Variants in FAAH2 observed in about 807,000 individuals in gnomAD.
FAAH2 encodes the protein fatty acid amide hydrolase 2, also known as fatty-acid amide hydrolase 2.
A neutral mutation model predicts 36.9 loss-of-function variants in FAAH2; 60 were observed. The ratio of observed to expected loss-of-function variants is 1.63; its 90% confidence interval spans 1.32 to 2.02. The LOEUF (loss-of-function observed/expected upper bound fraction) is 2.02. Among genes scored for constraint, FAAH2 ranks in the 30% most tolerant of loss-of-function variants. The pLI, the probability that FAAH2 is intolerant of heterozygous loss-of-function variation, is 0.00. For missense variants in FAAH2, 689 were observed against 397.5 expected (o/e 1.73, Z -6.23); for synonymous variants, 214 against 143.8 (o/e 1.49, Z -3.49).
At chrX:57,289,735 C>T (rs933817464) in intron 1 of FAAH2, among the ~76,000 whole-genome samples, 9 of 110,567 alleles carry the variant, frequency 8.1e-5, no homozygotes, top group Non-Finnish European at 1.5e-4. Context: ...GGAACAGATA[C>T]GTAAATAGTT....
At chrX:57,240,312 A>G in the FAAH2 span, among the ~76,000 whole-genome samples, 2 of 111,457 alleles carry the variant, frequency 1.8e-5, no homozygotes, top group Non-Finnish European at 3.8e-5. Context: ...GCTCTGCACT[A>G]CTGGGCTGTG....
At chrX:57,178,984 G>GA in the FAAH2 span, among the ~76,000 whole-genome samples, 2 of 111,483 alleles carry the variant, frequency 1.8e-5, no homozygotes, top group Admixed American at 1.9e-4. Flanking sequence ...CATAATTAAA[G>GA]AAAAAATATT....
At chrX:57,193,194 G>A in the FAAH2 span, among the ~76,000 whole-genome samples, 1 of 111,714 alleles carries the variant, frequency 9.0e-6, no homozygotes, top group East Asian at 2.8e-4. Flanking sequence ...CCTGAGGGTA[G>A]GCCTCTAAAT....
the FAAH2 span, among the ~76,000 whole-genome samples, chrX:57,268,265 G>C: frequency 1.8e-5 from 2 of 111,170 alleles, no homozygotes; most frequent in African/African-American, 6.5e-5. Context: ...CATGAAGACT[G>C]GCTTTCTAAA....
At chrX:57,149,574 G>A in the FAAH2 span, among the ~76,000 whole-genome samples, 1 of 111,693 alleles carries the variant, frequency 9.0e-6, no homozygotes, top group South Asian at 3.8e-4. Flanking sequence ...TCTGATGGTA[G>A]TTTGTATTTC....
intron 8 of FAAH2, among the ~76,000 whole-genome samples, chrX:57,437,733 T>TTA (rs987015806): frequency 2.9e-5 from 3 of 103,027 alleles, no homozygotes; most frequent in South Asian, 3.9e-4. Context: ...ATATTATATA[T>TTA]TATATATATT....
chrX:57,139,701 G>A, the FAAH2 span, among the ~76,000 whole-genome samples: 9 of 111,349 alleles, frequency 8.1e-5, no homozygotes, highest in South Asian at 7.6e-4. Flanking sequence ...TGATCCGCCC[G>A]CCTTGGCCTC....
intron 5 of FAAH2, among the ~76,000 whole-genome samples, chrX:57,355,885 C>A (rs2054146134): frequency 9.0e-6 from 1 of 111,166 alleles, no homozygotes; most frequent in Non-Finnish European, 1.9e-5. Context: ...GAAAAATTTT[C>A]AGTCTTTCAA....
chrX:57,267,416 G>A, the FAAH2 span, among the ~76,000 whole-genome samples: 4 of 112,489 alleles, frequency 3.6e-5, no homozygotes, highest in South Asian at 3.7e-4. Flanking sequence ...GGGCAATCAC[G>A]CATGCTTGTG....
chrX:57,382,221 C>A (rs1602476253), intron 7 of FAAH2, among the ~76,000 whole-genome samples: 1 of 111,239 alleles, frequency 9.0e-6, no homozygotes, highest in African/African-American at 3.3e-5. Context: ...CAAGAGAAAG[C>A]AGGAATGATC....
rs765631478 is a variant in FAAH2, at chrX:57,390,818, A to T, written c.996+9789A>T. On this transcript the variant is annotated intron_variant, in intron 7 of 10. Transcript: ENST00000374900. ...GTTTAGGTGTCTTTTTGATATAATAATTTTTTTCTTTTGGTTAGATAGTCA... is the reference window on the plus strand; with the variant it reads ...GTTTAGGTGTCTTTTTGATATAATATTTTTTTTCTTTTGGTTAGATAGTCA... Among the ~76,000 whole-genome samples the T allele has an allele frequency of 1.7e-3, 185 of 111,338 alleles. 1 individual carries two copies. The highest frequency in any genetic ancestry group is 5.7e-3 in the African/African-American group (176 of 30,761).
intron 5 of FAAH2, among the ~76,000 whole-genome samples, chrX:57,368,146 C>T (rs370877004): frequency 1.8e-5 from 2 of 110,982 alleles, no homozygotes; most frequent in South Asian, 7.7e-4. Flanking sequence ...GTCTACCATA[C>T]CCCAACCCTG....
At chrX:57,206,677 C>A in the FAAH2 span, among the ~76,000 whole-genome samples, 1 of 112,101 alleles carries the variant, frequency 8.9e-6, no homozygotes, top group East Asian at 2.8e-4. Flanking sequence ...CATTCACAGT[C>A]TTGCTCAGCT....
intron 10 of FAAH2, among the ~76,000 whole-genome samples, chrX:57,483,377 T>A (rs1216730776): frequency 1.8e-5 from 2 of 111,236 alleles, no homozygotes; most frequent in South Asian, 3.7e-4. Flanking sequence ...TTTGATTTTT[T>A]AAAAAAATAT....
intron 8 of FAAH2, among the ~76,000 whole-genome samples, chrX:57,436,024 A>T (rs1017505292): frequency 2.7e-5 from 3 of 111,430 alleles, no homozygotes; most frequent in Non-Finnish European, 5.7e-5. Context: ...GAATCTTCTC[A>T]GACCACGCTT....
chrX:57,363,138 G>A (rs191109027), intron 5 of FAAH2, among the ~76,000 whole-genome samples: 82 of 111,947 alleles, frequency 7.3e-4, no homozygotes, highest in Middle Eastern at 4.7e-3. Flanking sequence ...GATGGGGATA[G>A]CAAGGAATCT....
intron 10 of FAAH2, among the ~76,000 whole-genome samples, chrX:57,463,594 C>A (rs929938994): frequency 2.7e-5 from 3 of 111,127 alleles, no homozygotes; most frequent in African/African-American, 6.5e-5. Context: ...GCTGGGAAAA[C>A]TGGCTAAACA....
intron 10 of FAAH2, among the ~76,000 whole-genome samples, chrX:57,452,613 T>G (rs1035526948): frequency 8.9e-6 from 1 of 112,566 alleles, no homozygotes; most frequent in African/African-American, 3.2e-5. Flanking sequence ...ATTGCATTGT[T>G]GCACAAAATG....
chrX:57,438,848 G>A (rs1181089763), intron 8 of FAAH2, among the ~76,000 whole-genome samples: 12 of 104,170 alleles, frequency 1.2e-4, no homozygotes, highest in Non-Finnish European at 2.0e-4. Context: ...GAGAACATGC[G>A]GTGTTTGGTT....
Sources: allele counts gnomAD v4.1 joint callset (sites outside exome capture counted in the v4.1 genomes callset), GRCh38; gene constraint gnomAD v4.1.1; transcripts MANE v1.5; gene names NCBI Gene and HGNC (gene_info 2026-07-23, HGNC 2026-07-21).